The following BTBD9 variants were observed in gnomAD, a reference collection of about 807,000 sequenced individuals.
BTBD9 encodes BTB/POZ domain-containing protein 9.
BTBD9 carries 49 observed loss-of-function variants against 64.3 expected under a neutral mutation model. That is an observed-to-expected ratio of 0.76 (90% confidence interval 0.61 to 0.97). The LOEUF is 0.97. Ranked by LOEUF, BTBD9 falls within the 50% of genes least tolerant of loss-of-function variation. BTBD9 has a pLI of 0.00. For synonymous variants in BTBD9, 260 were observed against 274.7 expected (o/e 0.95, Z 0.53); for missense variants, 598 against 762.1 (o/e 0.78, Z 2.53).
chr6:38,330,847 T>C (rs1056371314), intron 7 of BTBD9, among the ~76,000 whole-genome samples: 2 of 152,180 alleles, frequency 1.3e-5, no homozygotes, highest in Admixed American at 6.5e-5. Context: ...AAATAAAAGT[T>C]AAACCTCTAC....
At chr6:38,334,949 C>T (rs1047176835) in intron 7 of BTBD9, among the ~76,000 whole-genome samples, 2 of 152,182 alleles carry the variant, frequency 1.3e-5, no homozygotes, top group African/African-American at 2.4e-5. Flanking sequence ...GTAATCCCCA[C>T]GTGTTGAGGG....
chr6:38,309,119 C>G (rs1243684259), intron 7 of BTBD9, among the ~76,000 whole-genome samples: 1 of 151,698 alleles, frequency 6.6e-6, no homozygotes, highest in Non-Finnish European at 1.5e-5. Context: ...CCTGTAATCC[C>G]AGCACTTTGG....
At chr6:38,339,743 A>G (rs2127586995) in intron 7 of BTBD9, among the ~76,000 whole-genome samples, 1 of 152,328 alleles carries the variant, frequency 6.6e-6, no homozygotes, top group East Asian at 1.9e-4. Context: ...TTGATTTTGG[A>G]ACAATGTAAG....
intron 6 of BTBD9, among the ~76,000 whole-genome samples, chr6:38,459,843 T>C (rs1769991610): frequency 6.6e-6 from 1 of 152,212 alleles, no homozygotes; most frequent in African/African-American, 2.4e-5. Context: ...TATTTTAAAG[T>C]AGAAGTCAAT....
At chr6:38,424,677 G>A (rs867065773) in intron 6 of BTBD9, among the ~76,000 whole-genome samples, 2 of 150,388 alleles carry the variant, frequency 1.3e-5, no homozygotes, top group Non-Finnish European at 3.0e-5. Context: ...CCACCACGCC[G>A]GGCTTATTTT....
At chr6:38,492,984 C>A (rs923625585) in intron 6 of BTBD9, among the ~76,000 whole-genome samples, 21 of 152,084 alleles carry the variant, frequency 1.4e-4, no homozygotes, top group African/African-American at 4.3e-4. Context: ...GCATTTTTAA[C>A]CCTTAAAAAA....
chr6:38,432,158 C>T (rs1768470589), intron 6 of BTBD9, among the ~76,000 whole-genome samples: 1 of 151,986 alleles, frequency 6.6e-6, no homozygotes, highest in Admixed American at 6.5e-5. Flanking sequence ...CTTTCTTGCC[C>T]TTCTGCTTTT....
intron 6 of BTBD9, among the ~76,000 whole-genome samples, chr6:38,540,837 T>A (rs1339414015): frequency 6.6e-6 from 1 of 152,220 alleles, no homozygotes. Flanking sequence ...ATAAATTTTT[T>A]AAAAACATAA....
intron 6 of BTBD9, among the ~76,000 whole-genome samples, chr6:38,420,549 G>GT (rs769521986): frequency 2.6e-5 from 4 of 151,912 alleles, no homozygotes; most frequent in Non-Finnish European, 5.9e-5. Context: ...CACAGAGAAG[G>GT]TTAAAAAAAA....
rs144032374 is a variant in BTBD9, at chr6:38,254,006, G to A, written c.1562+2403C>T. 1.4e-3 allele frequency among the ~76,000 whole-genome samples: 209 copies of A among 147,972 alleles called. 2 individuals carry two copies. The highest frequency in any genetic ancestry group is 4.9e-3 in the African/African-American group (195 of 39,874). On this transcript the variant is annotated intron_variant, in intron 9 of 10. Transcript: ENST00000481247. ...CATTTCCCAGCCATAGTAGCATCTA[G>A]TATGTCAATGTGACTAGTTCATCTC...
chr6:38,542,211 ACT>A (rs565722104), intron 6 of BTBD9, among the ~76,000 whole-genome samples: 118 of 152,218 alleles, frequency 7.8e-4, no homozygotes, highest in African/African-American at 2.1e-3. Flanking sequence ...TGCGTATCCA[ACT>A]CTCTCTGGAA....
intron 10 of BTBD9, among the ~76,000 whole-genome samples, chr6:38,185,598 A>G (rs1238131613): frequency 2.6e-5 from 4 of 152,148 alleles, no homozygotes; most frequent in African/African-American, 9.7e-5. Flanking sequence ...TAAACTTTTT[A>G]CTGCCAAAAC....
chr6:38,585,938 CCACACACACA>C (rs10660204), intron 4 of BTBD9, among the ~76,000 whole-genome samples: 1,430 of 140,856 alleles, frequency 0.01, 28 homozygotes, highest in African/African-American at 0.035. Context: ...ACAGGACAGA[CCACACACACA>C]CACACACACA....
At chr6:38,540,234 C>T (rs1562314976) in intron 6 of BTBD9, among the ~76,000 whole-genome samples, 1 of 152,154 alleles carries the variant, frequency 6.6e-6, no homozygotes, top group Non-Finnish European at 1.5e-5. Flanking sequence ...TGGCCTGGGT[C>T]AAGTTCCATC....
At chr6:38,215,391 C>T (rs1196832617) in intron 9 of BTBD9, among the ~76,000 whole-genome samples, 2 of 152,114 alleles carry the variant, frequency 1.3e-5, no homozygotes, top group Non-Finnish European at 2.9e-5. Context: ...CCTCCGGGCT[C>T]GCTAAGCAAA....
At chr6:38,230,012 C>T (rs539255106) in intron 9 of BTBD9, among the ~76,000 whole-genome samples, 1 of 152,140 alleles carries the variant, frequency 6.6e-6, no homozygotes, top group African/African-American at 2.4e-5. Context: ...CCATCCTGAC[C>T]GCCAGTCCAT....
intron 6 of BTBD9, among the ~76,000 whole-genome samples, chr6:38,519,935 T>C (rs1036552727): frequency 2.6e-5 from 4 of 152,202 alleles, no homozygotes; most frequent in African/African-American, 4.8e-5. Context: ...ATAACCACTG[T>C]AGCATCACTT....
intron 9 of BTBD9, among the ~76,000 whole-genome samples, chr6:38,241,145 C>G (rs1005729015): frequency 6.6e-6 from 1 of 152,156 alleles, no homozygotes; most frequent in Non-Finnish European, 1.5e-5. Context: ...GCTTATATGT[C>G]CACTGCTAAA....
At chr6:38,514,518 C>G (rs200594293) in intron 6 of BTBD9, among the ~76,000 whole-genome samples, 1 of 142,478 alleles carries the variant, frequency 7.0e-6, no homozygotes, top group Admixed American at 7.1e-5. Flanking sequence ...TGAGAATGAA[C>G]ATGAACAAAG....
Sources: allele counts gnomAD v4.1 joint callset (sites outside exome capture counted in the v4.1 genomes callset), GRCh38; gene constraint gnomAD v4.1.1; transcripts MANE v1.5; gene names NCBI Gene and HGNC (gene_info 2026-07-23, HGNC 2026-07-21).